Variants in AEN observed in about 807,000 individuals in gnomAD.
AEN encodes the protein apoptosis enhancing nuclease.
In AEN, 21 loss-of-function variants were observed where a neutral mutation model predicts 17.7. The ratio of observed to expected loss-of-function variants is 1.19; its 90% CI spans 0.84 to 1.71. The LOEUF (loss-of-function observed/expected upper bound fraction) is 1.71, where lower values mean the gene tolerates loss of function less well. AEN is among the 40% of genes most tolerant of loss of function. The pLI is 0.00. For synonymous variants in AEN, 190 were observed against 173.0 expected (o/e 1.10, Z -0.77); for missense variants, 462 against 435.9 (o/e 1.06, Z -0.53).
chr15:88,626,432 G>A lies in AEN; in HGVS notation c.223G>A (p.Glu75Lys). ...CCCTTTCGGGGCAGCGACAGCAACT[G>A]AAGCTGCCAGCAGTGGGAAGCAGTG... ...PTPFGAATAT[E>K]AASSGKQCLR... is the part of the protein sequence containing the mutation. The change falls in exon 2 of 4, where the codon GAA becomes AAA. Residue 75 changes from glutamate (E) to lysine (K), a missense_variant. Glu to Lys is a moderately conservative substitution (Grantham distance 56). Coordinates refer to ENST00000332810, the MANE Select transcript of AEN (RefSeq NM_022767.4). 1 of 1,613,534 alleles carries A rather than the reference G, an allele frequency of 6.2e-7. No homozygotes were observed. The highest frequency in any genetic ancestry group is 8.5e-7 in the Non-Finnish European group (1 of 1,179,872).
upstream of AEN, among the ~76,000 whole-genome samples, chr15:88,618,786 T>C (rs138493557): frequency 2.6e-5 from 4 of 152,280 alleles, no homozygotes; most frequent in East Asian, 7.7e-4. Context: ...TCTATACTCA[T>C]GTATTTATTT....
Position 88,629,271 on chromosome 15 carries a change from CACA to C in AEN, c.589_591del (p.Asn197del). On this transcript the variant is annotated inframe_deletion, in exon 3 of 4. Transcript: ENST00000332810. Reference sequence around the variant, plus strand: ...CAAGGTGGTGGTGGGGCACGCGCTGCACAACGACTTCCAGGCGCTCAAGTATGT... The same window carrying C: ...CAAGGTGGTGGTGGGGCACGCGCTGCACGACTTCCAGGCGCTCAAGTATGT... The C allele has an allele frequency of 6.2e-7, 1 of 1,614,146 alleles. No homozygotes were observed. Among genetic ancestry groups the C allele is most frequent in the East Asian group, 2.2e-5 (1 of 44,882 alleles).
the AEN span, among the ~76,000 whole-genome samples, chr15:88,610,307 A>ATTTT: frequency 5.2e-3 from 710 of 136,198 alleles, 11 homozygotes; most frequent in African/African-American, 0.018. Context: ...GCACGGGGCT[A>ATTTT]TTTTTTTTTT....
rs760686153 is a variant in AEN, at chr15:88,626,374, G to A, written c.165G>A (p.Met55Ile). Residue 55 changes from methionine (M) to isoleucine (I), a missense_variant, in exon 2 of 4, where the codon ATG becomes ATA. Physicochemically the swap from Met to Ile is conservative, Grantham distance 10. Transcript: ENST00000332810. ...ALLQEQGLLSMPPEPGSSPLP... is the reference protein window; with the variant it reads ...ALLQEQGLLSIPPEPGSSPLP... Reference sequence around the variant, plus strand: ...TGCAGGAGCAGGGGCTGCTGAGCATGCCTCCAGAACCAGGGTCCTCCCCAC... The same window carrying A: ...TGCAGGAGCAGGGGCTGCTGAGCATACCTCCAGAACCAGGGTCCTCCCCAC... The A allele has an allele frequency of 1.9e-6, 3 of 1,612,908 alleles. No homozygotes were observed. Among genetic ancestry groups the A allele is most frequent in the East Asian group, 2.2e-5 (1 of 44,856 alleles).
chr15:88,606,222 T>TC, the AEN span, among the ~76,000 whole-genome samples: 1 of 152,122 alleles, frequency 6.6e-6, no homozygotes. Context: ...TCTCGCTCTC[T>TC]CCCCCTTCCT....
chr15:88,616,633 T>G (rs2057740639), upstream of AEN, among the ~76,000 whole-genome samples: 1 of 152,232 alleles, frequency 6.6e-6, no homozygotes, highest in Non-Finnish European at 1.5e-5. Context: ...TAGCAATTTT[T>G]TTATGATAAA....
chr15:88,624,883 C>CAAAAAAA (rs10701067), intron 1 of AEN, among the ~76,000 whole-genome samples: 106,089 of 148,450 alleles, frequency 0.71, 40,530 homozygotes, highest in Non-Finnish European at 0.85. Flanking sequence ...AACTCCGCCT[C>CAAAAAAA]AAAAAATGCC....
In AEN at chr15:88,630,527, CACTT is replaced by C; in HGVS notation, c.*234_*237del. ...CTGACTCCTGTGGTTTTGCTAATGG[CACTT>C]TACAGACTCCATGGAGATGTCAGGT... On this transcript the variant is annotated 3_prime_UTR_variant, in exon 4 of 4. Coordinates refer to ENST00000332810, the MANE Select transcript of AEN (RefSeq NM_022767.4). The surrounding 1 kb of genome is among the most constrained non-coding windows in gnomAD (Gnocchi z 5.1). The C allele has an allele frequency of 1.8e-6, 1 of 543,036 alleles. No individual in the cohort carries two copies. The highest frequency in any genetic ancestry group is 3.2e-5 in the Admixed American group (1 of 31,678). The allele number at this position is 543,036 out of a possible 1,614,324, so 33.6% of individuals were successfully genotyped here. A position where few individuals can be genotyped will look rare whatever the true frequency, so the allele number is the denominator to read the frequency against.
rs752810556 is a variant in AEN at position 88,629,317 on chromosome 15, C to G, written c.632C>G (p.Thr211Ser). The change falls in exon 3 of 4, where the codon ACC becomes AGC. Residue 211 changes from threonine to serine, a missense_variant. Transcript: ENST00000332810. ...AAGTATGTCCACCCTCGGAGCCAGA[C>G]CCGGGATACGACCTATGTCCCAAAC... ...ALKYVHPRSQ[T>S]RDTTYVPNFL... 4.3e-6 allele frequency: 7 copies of G among 1,614,130 alleles called. No individual in the cohort carries two copies. Among genetic ancestry groups the G allele is most frequent in the Non-Finnish European group, 8.5e-7 (1 of 1,180,016 alleles).
chr15:88,613,125 G>A, the AEN span, among the ~76,000 whole-genome samples: 1 of 152,150 alleles, frequency 6.6e-6, no homozygotes, highest in African/African-American at 2.4e-5. Flanking sequence ...ACTCATTTAG[G>A]GAATGCTAAA....
At chr15:88,619,542 G>T (rs2057764408), upstream of AEN, among the ~76,000 whole-genome samples, 1 of 152,128 alleles carries the variant, frequency 6.6e-6, no homozygotes, top group Non-Finnish European at 1.5e-5. Flanking sequence ...ACAAAAATTA[G>T]CTGGGCATGG....
the AEN span, among the ~76,000 whole-genome samples, chr15:88,609,725 A>G: frequency 6.6e-6 from 1 of 152,192 alleles, no homozygotes; most frequent in African/African-American, 2.4e-5. Flanking sequence ...CCCAATTCAG[A>G]TAGAGCCCAG....
the AEN span, among the ~76,000 whole-genome samples, chr15:88,610,677 G>A: frequency 3.3e-5 from 5 of 152,098 alleles, no homozygotes; most frequent in African/African-American, 1.2e-4. Context: ...CCCCATTCTG[G>A]ATAGAGAGAA....
chr15:88,613,376 A>G, the AEN span, among the ~76,000 whole-genome samples: 1 of 152,084 alleles, frequency 6.6e-6, no homozygotes, highest in East Asian at 1.9e-4. Flanking sequence ...CCTATTAGAA[A>G]TCTCATTTAC....
At chr15:88,624,474 G>A (rs1444428806) in intron 1 of AEN, among the ~76,000 whole-genome samples, 1 of 152,196 alleles carries the variant, frequency 6.6e-6, no homozygotes, top group African/African-American at 2.4e-5. Context: ...CTACTGTTCA[G>A]AATACAGGAA....
chr15:88,606,005 G>A, the AEN span, among the ~76,000 whole-genome samples: 1 of 152,238 alleles, frequency 6.6e-6, no homozygotes, highest in African/African-American at 2.4e-5. Context: ...ATTTAGGTGT[G>A]GGATTCTAGG....
In AEN at chr15:88,626,762, A is replaced by G. The variant is rs1481660815; in HGVS notation, c.540+13A>G. 1 of 1,599,538 alleles carries G rather than the reference A, an allele frequency of 6.3e-7. No individual in the cohort carries two copies. Among genetic ancestry groups the G allele is most frequent in the Non-Finnish European group, 8.5e-7 (1 of 1,176,744 alleles). On this transcript the variant is annotated intron_variant, in intron 2 of 3. Transcript: ENST00000332810. ...GGCCCAGAAAGAGGTAAGGGCAGGG[A>G]TGGGGACTTGTTTGGGAGGTGTGGT...
intron 1 of AEN, among the ~76,000 whole-genome samples, chr15:88,623,113 T>C (rs1443363950): frequency 1.3e-5 from 2 of 152,204 alleles, no homozygotes; most frequent in Non-Finnish European, 2.9e-5. Context: ...AGGGTGGGCA[T>C]TGGGCTTCTT....
chr15:88,624,853 A>G (rs1302028860), intron 1 of AEN, among the ~76,000 whole-genome samples: 7 of 150,012 alleles, frequency 4.7e-5, no homozygotes, highest in Non-Finnish European at 1.0e-4. Context: ...ACTGCACTCT[A>G]GCCTGGGTAA....
Sources: gnomAD v4.1 joint callset for allele counts (sites outside exome capture counted in the v4.1 genomes callset) on GRCh38, gnomAD v4.1.1 for gene constraint, Gnocchi (gnomAD v3.1) non-coding constraint, MANE v1.5 for transcripts, NCBI Gene and HGNC (gene_info 2026-07-23, HGNC 2026-07-21) for gene names.